The following COL5A2 variants were observed in gnomAD, a reference collection of about 807,000 sequenced individuals.
The protein encoded by COL5A2 is collagen type V alpha 2 chain.
Under a neutral mutation model 208.2 loss-of-function variants are expected in COL5A2, and 23 were observed. That is an observed-to-expected ratio of 0.11 (90% CI 0.08 to 0.16). The LOEUF (loss-of-function observed/expected upper bound fraction) is 0.16, where lower values mean the gene tolerates loss of function less well. Ranked by LOEUF, COL5A2 falls within the 10% of genes least tolerant of loss-of-function variation. COL5A2 has a pLI of 1.00. For missense variants in COL5A2, 1,590 were observed against 1,956.4 expected, an observed-to-expected ratio of 0.81 and a Z score of 3.53; for synonymous variants, 625 against 628.5, an observed-to-expected ratio of 0.99 and a Z score of 0.08.
chr2:189,376,319 CT>C, the COL5A2 span, among the ~76,000 whole-genome samples: 1 of 151,996 alleles, frequency 6.6e-6, no homozygotes, highest in Non-Finnish European at 1.5e-5. Flanking sequence ...ACATTTATGT[CT>C]TTCATAGTTA....
rs375399939 is a variant in COL5A2, at chr2:189,034,022, C to T, written c.*48G>A. On this transcript the variant is annotated 3_prime_UTR_variant, in exon 54 of 54. Coordinates refer to ENST00000374866, the MANE Select transcript of COL5A2 (RefSeq NM_000393.5). ...AAACAGTCAAAGTTCTTGTGAATGG[C>T]GGTGGTCATTGATGGTGGTGCTCAT... 11 of 1,612,000 alleles carry T rather than the reference C, an allele frequency of 6.8e-6. No individual in the cohort carries two copies. Among genetic ancestry groups the T allele is most frequent in the African/African-American group, 4.0e-5 (3 of 74,862 alleles).
At chr2:189,112,434 T>C (rs1687303001) in intron 1 of COL5A2, among the ~76,000 whole-genome samples, 1 of 152,218 alleles carries the variant, frequency 6.6e-6, no homozygotes, top group African/African-American at 2.4e-5. Context: ...AAAATCTGCT[T>C]TATATAATTA....
chr2:189,035,012 G>C lies in COL5A2; in HGVS notation c.4257C>G (p.Leu1419=). Residue 1419 remains leucine, a synonymous_variant, in exon 53 of 54, where the codon CTC becomes CTG. Transcript: ENST00000374866. ...VGYMDDQAKN[L]KKAVVLKGAN... ...CCCCTTTGAGAACCACAGCTTTTTT[G>C]AGGTTCTTAGCTTGATCGTCCATGT... 1 of 1,613,822 alleles carries C rather than the reference G, an allele frequency of 6.2e-7. No homozygotes were observed. The highest frequency in any genetic ancestry group is 8.5e-7 in the Non-Finnish European group (1 of 1,179,864).
At chr2:189,111,985 C>T (rs980425283) in intron 1 of COL5A2, among the ~76,000 whole-genome samples, 2 of 152,164 alleles carry the variant, frequency 1.3e-5, no homozygotes, top group African/African-American at 4.8e-5. Context: ...CCTGCCTCAG[C>T]CTCCCAAGTA....
the COL5A2 span, among the ~76,000 whole-genome samples, chr2:189,394,949 T>A: frequency 6.6e-6 from 1 of 152,232 alleles, no homozygotes; most frequent in South Asian, 2.1e-4. Context: ...TTTAGGTTTG[T>A]CTTTTCAATG....
chr2:189,357,775 A>AAAC, the COL5A2 span, among the ~76,000 whole-genome samples: 4 of 151,240 alleles, frequency 2.6e-5, no homozygotes, highest in Admixed American at 6.6e-5. Context: ...AAAAAAAAAA[A>AAAC]AAAAACTCCT....
chr2:189,216,257 GA>G (rs1376591290), intron 1 of COL5A2, among the ~76,000 whole-genome samples: 2 of 152,054 alleles, frequency 1.3e-5, no homozygotes, highest in Non-Finnish European at 2.9e-5. Context: ...AATGATTTGA[GA>G]GATAACAGTA....
chr2:189,163,492 T>G (rs1321249528), intron 1 of COL5A2, among the ~76,000 whole-genome samples: 1 of 152,218 alleles, frequency 6.6e-6, no homozygotes, highest in Admixed American at 6.5e-5. Context: ...TATAACAGCA[T>G]CTAGGAACTT....
the COL5A2 span, among the ~76,000 whole-genome samples, chr2:189,274,349 C>T: frequency 3.3e-5 from 5 of 152,124 alleles, no homozygotes; most frequent in Non-Finnish European, 5.9e-5. Flanking sequence ...TGAAGATTTA[C>T]GAAGTCTGAG....
the COL5A2 span, among the ~76,000 whole-genome samples, chr2:189,268,186 A>G: frequency 6.6e-6 from 1 of 152,092 alleles, no homozygotes; most frequent in Admixed American, 6.6e-5. Flanking sequence ...ATTAGTATGA[A>G]CTCTTTGTTT....
the COL5A2 span, among the ~76,000 whole-genome samples, chr2:189,399,487 T>A: frequency 1.3e-5 from 2 of 152,214 alleles, no homozygotes; most frequent in Admixed American, 1.3e-4. Flanking sequence ...TGACCTCAGA[T>A]GATCCACCCA....
chr2:189,150,410 GAC>G (rs1205475444), intron 1 of COL5A2, among the ~76,000 whole-genome samples: 1 of 152,114 alleles, frequency 6.6e-6, no homozygotes, highest in Non-Finnish European at 1.5e-5. Context: ...AAGTCCTTAG[GAC>G]ACAGTGCTGA....
At chr2:189,337,039 A>G in the COL5A2 span, among the ~76,000 whole-genome samples, 2 of 152,180 alleles carry the variant, frequency 1.3e-5, no homozygotes, top group African/African-American at 4.8e-5. Flanking sequence ...CATGTTTGTA[A>G]GATATGCCTT....
At chr2:189,156,068 C>A (rs1194301925) in intron 1 of COL5A2, among the ~76,000 whole-genome samples, 2 of 152,070 alleles carry the variant, frequency 1.3e-5, no homozygotes, top group African/African-American at 4.8e-5. Context: ...ACATGGGGCC[C>A]AGCTAGTTAA....
chr2:189,202,537 AAATT>A (rs1305720157), intron 1 of COL5A2, among the ~76,000 whole-genome samples: 2 of 152,166 alleles, frequency 1.3e-5, no homozygotes, highest in Admixed American at 1.3e-4. Flanking sequence ...GAAGCAGTAG[AAATT>A]AATTTCTCCA....
intron 1 of COL5A2, among the ~76,000 whole-genome samples, chr2:189,198,426 C>T (rs562752017): frequency 1.9e-4 from 29 of 152,016 alleles, no homozygotes; most frequent in South Asian, 4.2e-4. Context: ...ATATAATTTA[C>T]GTTTAACTGG....
intron 1 of COL5A2, among the ~76,000 whole-genome samples, chr2:189,155,376 T>C (rs529720012): frequency 9.3e-5 from 14 of 150,256 alleles, no homozygotes; most frequent in African/African-American, 3.4e-4. Flanking sequence ...TTGGGAGGCC[T>C]TTCACCTGCC....
the COL5A2 span, among the ~76,000 whole-genome samples, chr2:189,348,038 T>C: frequency 1.3e-5 from 2 of 151,632 alleles, no homozygotes; most frequent in Admixed American, 1.3e-4. Context: ...GCATAATATT[T>C]AGACCAGAAA....
intron 1 of COL5A2, among the ~76,000 whole-genome samples, chr2:189,178,086 G>T (rs914529718): frequency 1.2e-4 from 18 of 151,506 alleles, no homozygotes; most frequent in Non-Finnish European, 2.1e-4. Context: ...AATTATTTTT[G>T]CCACCCTTCC....
Sources: gnomAD v4.1 joint callset for allele counts (sites outside exome capture counted in the v4.1 genomes callset) on GRCh38, gnomAD v4.1.1 for gene constraint, MANE v1.5 for transcripts, NCBI Gene and HGNC (gene_info 2026-07-23, HGNC 2026-07-21) for gene names.